The following LRRTM4 variants were observed in gnomAD, a reference collection of about 807,000 sequenced individuals.
LRRTM4 encodes leucine rich repeat transmembrane neuronal 4.
In LRRTM4, 25 loss-of-function variants were observed where a neutral mutation model predicts 47.6. The ratio of observed to expected loss-of-function variants is 0.53; its 90% confidence interval spans 0.38 to 0.73. The LOEUF (loss-of-function observed/expected upper bound fraction) is 0.73. Ranked by LOEUF, LRRTM4 falls within the 30% of genes least tolerant of loss-of-function variation. The probability of loss-of-function intolerance (pLI) is 0.00; values close to 1 mark genes in which losing one functional copy is unlikely to be tolerated. For synonymous variants in LRRTM4, 311 were observed against 269.5 expected (o/e 1.15, Z -1.51); for missense variants, 638 against 713.4 (o/e 0.89, Z 1.20).
intron 3 of LRRTM4, among the ~76,000 whole-genome samples, chr2:76,814,560 C>T (rs895753403): frequency 2.0e-5 from 3 of 151,860 alleles, no homozygotes; most frequent in African/African-American, 7.3e-5. Flanking sequence ...GCAAAAGATA[C>T]AATATGACAA....
chr2:76,813,823 C>T (rs1285905547), intron 3 of LRRTM4, among the ~76,000 whole-genome samples: 2 of 152,152 alleles, frequency 1.3e-5, no homozygotes, highest in Non-Finnish European at 2.9e-5. Context: ...TCCCGTATTG[C>T]ACACCCAATT....
intron 3 of LRRTM4, among the ~76,000 whole-genome samples, chr2:77,339,775 C>T (rs996412550): frequency 2.0e-5 from 3 of 151,862 alleles, no homozygotes; most frequent in Non-Finnish European, 4.4e-5. Flanking sequence ...ATAGGCCAGA[C>T]ATAATGTGAG....
intron 3 of LRRTM4, among the ~76,000 whole-genome samples, chr2:76,945,699 C>A (rs1310487104): frequency 6.6e-6 from 1 of 151,540 alleles, no homozygotes; most frequent in African/African-American, 2.4e-5. Flanking sequence ...AAGACGAAAA[C>A]AATTTGGAGT....
intron 3 of LRRTM4, among the ~76,000 whole-genome samples, chr2:77,250,558 C>T (rs1032437640): frequency 6.6e-6 from 1 of 152,074 alleles, no homozygotes; most frequent in African/African-American, 2.4e-5. Flanking sequence ...TTTATATGTA[C>T]ATAAACAGGT....
At chr2:77,476,992 G>GTT (rs1487781977) in intron 3 of LRRTM4, among the ~76,000 whole-genome samples, 18 of 95,554 alleles carry the variant, frequency 1.9e-4, no homozygotes, top group African/African-American at 5.8e-4. Flanking sequence ...GTGTGTGTGT[G>GTT]TGTGTATGTG....
intron 3 of LRRTM4, among the ~76,000 whole-genome samples, chr2:76,865,020 A>G (rs1009349560): frequency 4.6e-5 from 7 of 151,368 alleles, no homozygotes; most frequent in Non-Finnish European, 8.8e-5. Flanking sequence ...ACTTAATTAT[A>G]TTCTTTCCAT....
In LRRTM4 at chr2:77,063,201, G is replaced by A. The variant is rs192470032; in HGVS notation, c.1552-314285C>T. Among the ~76,000 whole-genome samples the A allele has an allele frequency of 9.2e-3, 1,399 of 151,922 alleles. 6 individuals are homozygous for A. The highest frequency in any genetic ancestry group is 0.016 in the Admixed American group (243 of 15,268). On this transcript the variant is annotated intron_variant, in intron 3 of 3. Coordinates refer to ENST00000409884, the MANE Select transcript of LRRTM4 (RefSeq NM_001134745.3). ...TCTCGAACGCCTGACCTCGTGATCC[G>A]CCCACCTCGGCCTCCCCAAGTGCTG...
At chr2:76,845,926 A>ATCTT (rs1421767166) in intron 3 of LRRTM4, among the ~76,000 whole-genome samples, 1 of 152,144 alleles carries the variant, frequency 6.6e-6, no homozygotes, top group Non-Finnish European at 1.5e-5. Context: ...AATACAGTTG[A>ATCTT]TCTTTGAACA....
intron 3 of LRRTM4, among the ~76,000 whole-genome samples, chr2:77,255,114 G>T (rs1017792054): frequency 1.3e-5 from 2 of 151,790 alleles, no homozygotes; most frequent in African/African-American, 4.8e-5. Flanking sequence ...CATAATCAAA[G>T]AAAACAGTCA....
chr2:77,433,695 C>T (rs1044801896), intron 3 of LRRTM4, among the ~76,000 whole-genome samples: 5 of 152,060 alleles, frequency 3.3e-5, no homozygotes, highest in Non-Finnish European at 7.4e-5. Context: ...CATTGAAAAA[C>T]CAAAAAGAAG....
chr2:76,996,225 C>A (rs10196895), intron 3 of LRRTM4, among the ~76,000 whole-genome samples: 1 of 151,762 alleles, frequency 6.6e-6, no homozygotes, highest in Admixed American at 6.6e-5. Context: ...TTATTGAACT[C>A]TTAGATAATG....
intron 3 of LRRTM4, among the ~76,000 whole-genome samples, chr2:76,928,633 A>T (rs534728155): frequency 1.3e-5 from 2 of 152,290 alleles, no homozygotes; most frequent in Admixed American, 1.3e-4. Context: ...ATGGGCATTC[A>T]GGGAAACCAA....
intron 3 of LRRTM4, among the ~76,000 whole-genome samples, chr2:77,337,649 C>A (rs1558694801): frequency 6.6e-6 from 1 of 152,046 alleles, no homozygotes; most frequent in East Asian, 1.9e-4. Context: ...TCTCCTTTGC[C>A]TTCCACCATG....
At chr2:77,103,664 G>GAT (rs59721870) in intron 3 of LRRTM4, among the ~76,000 whole-genome samples, 4 of 143,736 alleles carry the variant, frequency 2.8e-5, no homozygotes, top group Non-Finnish European at 4.5e-5. Flanking sequence ...TATATATATA[G>GAT]ATATATATAT....
chr2:77,284,215 A>G (rs1040001918), intron 3 of LRRTM4, among the ~76,000 whole-genome samples: 1 of 152,096 alleles, frequency 6.6e-6, no homozygotes, highest in Non-Finnish European at 1.5e-5. Flanking sequence ...TTCTCATGGG[A>G]AGGATGTACA....
chr2:77,225,879 T>A (rs1484157045), intron 3 of LRRTM4, among the ~76,000 whole-genome samples: 1 of 151,966 alleles, frequency 6.6e-6, no homozygotes, highest in Non-Finnish European at 1.5e-5. Context: ...TTATATATAT[T>A]GTTATTTTTC....
At chr2:76,910,832 T>G (rs891316593) in intron 3 of LRRTM4, among the ~76,000 whole-genome samples, 2 of 152,180 alleles carry the variant, frequency 1.3e-5, no homozygotes, top group Admixed American at 1.3e-4. Flanking sequence ...TATATCTTGA[T>G]TATGTCATTA....
intron 3 of LRRTM4, among the ~76,000 whole-genome samples, chr2:77,088,492 G>A (rs1680803555): frequency 6.6e-6 from 1 of 152,014 alleles, no homozygotes; most frequent in Non-Finnish European, 1.5e-5. Flanking sequence ...CTGCCTGCCA[G>A]AGAACAAACC....
chr2:76,939,274 A>T (rs1675055854), intron 3 of LRRTM4, among the ~76,000 whole-genome samples: 1 of 152,050 alleles, frequency 6.6e-6, no homozygotes, highest in Admixed American at 6.6e-5. Flanking sequence ...TTCAGTGCAA[A>T]TTTTCTGGGA....
Sources: allele counts gnomAD v4.1 joint callset (sites outside exome capture counted in the v4.1 genomes callset), GRCh38; gene constraint gnomAD v4.1.1; transcripts MANE v1.5; gene names NCBI Gene and HGNC (gene_info 2026-07-23, HGNC 2026-07-21).